Variants in KCNMB2 observed in about 807,000 individuals in gnomAD.
KCNMB2 encodes potassium calcium-activated channel subfamily M regulatory beta subunit 2, also known as calcium-activated potassium channel subunit beta-2.
In KCNMB2, 9 loss-of-function variants were observed where a neutral mutation model predicts 24.5. The ratio of observed to expected loss-of-function variants is 0.37; its 90% CI spans 0.22 to 0.64. The LOEUF (loss-of-function observed/expected upper bound fraction) is 0.64, where lower values mean the gene tolerates loss of function less well. Ranked by LOEUF, KCNMB2 falls within the 30% of genes least tolerant of loss-of-function variation. KCNMB2 has a pLI of 0.63. For missense variants in KCNMB2, 226 were observed against 284.3 expected (o/e 0.79, Z 1.47); for synonymous variants, 109 against 104.4 (o/e 1.04, Z -0.27).
At chr3:178,619,785 T>A (rs1718842425) in intron 1 of KCNMB2, among the ~76,000 whole-genome samples, 1 of 152,124 alleles carries the variant, frequency 6.6e-6, no homozygotes, top group Non-Finnish European at 1.5e-5. Context: ...TTTTACTGAG[T>A]CTTGTGAGAG....
chr3:178,778,455 G>GACACACACACACACACACAC (rs71628070), intron 1 of KCNMB2, among the ~76,000 whole-genome samples: 1 of 127,454 alleles, frequency 7.8e-6, no homozygotes, highest in Non-Finnish European at 1.7e-5. Flanking sequence ...TACCCTTTAA[G>GACACACACACACACACACAC]ACACACACAC....
chr3:178,806,743 A>T (rs1713987002), intron 1 of KCNMB2, among the ~76,000 whole-genome samples: 1 of 151,696 alleles, frequency 6.6e-6, no homozygotes, highest in Non-Finnish European at 1.5e-5. Flanking sequence ...AAATATCTTG[A>T]CTCTAGAGCC....
chr3:178,634,748 T>C (rs1719454277), intron 1 of KCNMB2, among the ~76,000 whole-genome samples: 1 of 152,088 alleles, frequency 6.6e-6, no homozygotes, highest in African/African-American at 2.4e-5. Flanking sequence ...TGATGTGAGA[T>C]CTCAGGGAGA....
intron 1 of KCNMB2, among the ~76,000 whole-genome samples, chr3:178,538,652 A>G (rs73050369): frequency 0.036 from 5,418 of 152,260 alleles, 326 homozygotes; most frequent in African/African-American, 0.12. Context: ...CACTTTACTG[A>G]TAAACTAAAA....
chr3:178,750,353 A>G lies in KCNMB2; in HGVS notation c.-67-56990A>G, dbSNP rs950639840. On this transcript the variant is annotated intron_variant, in intron 1 of 4. Coordinates refer to ENST00000452583, the MANE Select transcript of KCNMB2 (RefSeq NM_181361.3). ...TAGCTAATTATGAAGTCATTTCATG[A>G]TATTATTTTACTCTGCGACAGCCTT... Among the ~76,000 whole-genome samples the G allele has an allele frequency of 7.9e-5, 12 of 152,262 alleles. No homozygotes were observed. The East Asian group carries it at 1.7e-3, about 22-fold the overall frequency.
intron 1 of KCNMB2, among the ~76,000 whole-genome samples, chr3:178,643,644 G>T (rs1356988825): frequency 6.6e-6 from 1 of 152,144 alleles, no homozygotes; most frequent in Non-Finnish European, 1.5e-5. Flanking sequence ...GGAGCTAAAA[G>T]TCAGGCATCC....
chr3:178,722,903 A>G (rs886631790), intron 1 of KCNMB2, among the ~76,000 whole-genome samples: 8 of 152,080 alleles, frequency 5.3e-5, no homozygotes, highest in Admixed American at 1.3e-4. Context: ...AAAGAAAAAA[A>G]GTTCCCACCT....
At chr3:178,651,307 C>G (rs1720111381) in intron 1 of KCNMB2, among the ~76,000 whole-genome samples, 1 of 152,250 alleles carries the variant, frequency 6.6e-6, no homozygotes, top group Non-Finnish European at 1.5e-5. Context: ...CATGAGTGAA[C>G]TCCCATTCAC....
At chr3:178,801,640 A>G (rs1267842087) in intron 1 of KCNMB2, among the ~76,000 whole-genome samples, 3 of 152,260 alleles carry the variant, frequency 2.0e-5, no homozygotes, top group African/African-American at 7.2e-5. Context: ...CAGCTAGATA[A>G]GAAGAAGGAA....
At chr3:178,797,275 A>C (rs1483788343) in intron 1 of KCNMB2, among the ~76,000 whole-genome samples, 1 of 152,142 alleles carries the variant, frequency 6.6e-6, no homozygotes, top group Non-Finnish European at 1.5e-5. Context: ...CCCAGGACCT[A>C]ATGGCTTCAC....
At chr3:178,553,822 G>A (rs1462367337) in intron 1 of KCNMB2, among the ~76,000 whole-genome samples, 1 of 152,096 alleles carries the variant, frequency 6.6e-6, no homozygotes, top group Non-Finnish European at 1.5e-5. Context: ...TTACAGGTTT[G>A]AGCCACCGCA....
At chr3:178,799,194 G>C (rs1384376355) in intron 1 of KCNMB2, among the ~76,000 whole-genome samples, 1 of 151,996 alleles carries the variant, frequency 6.6e-6, no homozygotes, top group South Asian at 2.1e-4. Flanking sequence ...ATCAGACAAG[G>C]GAGAGAAATA....
chr3:178,729,662 T>C (rs1353600088), intron 1 of KCNMB2, among the ~76,000 whole-genome samples: 3 of 152,228 alleles, frequency 2.0e-5, no homozygotes, highest in Non-Finnish European at 2.9e-5. Flanking sequence ...ATTGGGCAGA[T>C]TGCAATTTTA....
At chr3:178,607,564 G>A (rs1288634321) in intron 1 of KCNMB2, among the ~76,000 whole-genome samples, 2 of 152,054 alleles carry the variant, frequency 1.3e-5, no homozygotes, top group Non-Finnish European at 2.9e-5. Flanking sequence ...TGCCAAGGTA[G>A]TGATCAAAGT....
chr3:178,633,928 C>A (rs1577062924), intron 1 of KCNMB2, among the ~76,000 whole-genome samples: 1 of 152,226 alleles, frequency 6.6e-6, no homozygotes. Flanking sequence ...TTACACAGAT[C>A]TCTAGGGCAG....
intron 1 of KCNMB2, among the ~76,000 whole-genome samples, chr3:178,753,772 C>T (rs1477863689): frequency 6.6e-6 from 1 of 152,094 alleles, no homozygotes; most frequent in African/African-American, 2.4e-5. Context: ...TTCATTACCT[C>T]ACATATTTAT....
intron 1 of KCNMB2, among the ~76,000 whole-genome samples, chr3:178,597,187 G>T (rs561656455): frequency 2.2e-4 from 33 of 152,076 alleles, no homozygotes; most frequent in African/African-American, 8.0e-4. Context: ...TTCTATAATG[G>T]GTTTTTATCA....
chr3:178,576,217 G>T (rs937156519), intron 1 of KCNMB2, among the ~76,000 whole-genome samples: 1 of 151,870 alleles, frequency 6.6e-6, no homozygotes, highest in Non-Finnish European at 1.5e-5. Context: ...AGGGTGGGGC[G>T]TTGCCTCACC....
intron 1 of KCNMB2, among the ~76,000 whole-genome samples, chr3:178,759,468 G>GATATAT (rs1274470512): frequency 4.6e-5 from 1 of 21,728 alleles, no homozygotes. Context: ...TCTCCAAGAG[G>GATATAT]ATATATATAT....
Sources: allele counts gnomAD v4.1 joint callset (sites outside exome capture counted in the v4.1 genomes callset), GRCh38; gene constraint gnomAD v4.1.1; transcripts MANE v1.5; gene names NCBI Gene and HGNC (gene_info 2026-07-23, HGNC 2026-07-21).